Variants in HARS2 observed in about 807,000 individuals in gnomAD.
HARS2 encodes the protein histidine--tRNA ligase, mitochondrial.
HARS2 carries 40 observed loss-of-function variants against 62.4 expected under a neutral mutation model. That is an observed-to-expected ratio of 0.64 (90% CI 0.50 to 0.83). The LOEUF is 0.83. Among genes scored for constraint, HARS2 ranks in the 40% least tolerant of loss-of-function variants. The pLI is 0.00. For missense variants in HARS2, 569 were observed against 626.4 expected (o/e 0.91, Z 0.98); for synonymous variants, 228 against 227.0 (o/e 1.00, Z -0.04).
intron 1 of HARS2, among the ~76,000 whole-genome samples, chr5:140,692,736 T>C (rs1437972339): frequency 6.6e-6 from 1 of 151,808 alleles, no homozygotes; most frequent in African/African-American, 2.4e-5. Flanking sequence ...CTACTAAAAA[T>C]ACAAAAATTA....
chr5:140,691,740 T>A lies in HARS2; in HGVS notation c.92T>A (p.Val31Asp), dbSNP rs2149847950. 6.4e-7 allele frequency: 1 copy of A among 1,551,382 alleles called. No homozygotes were observed. The highest frequency in any genetic ancestry group is 1.2e-5 in the South Asian group (1 of 84,204). Residue 31 changes from valine to aspartate, a missense_variant, in exon 1 of 13, where the codon GTC becomes GAC. Transcript: ENST00000230771. ...CCCTGCGCTTCGTGCACCGGGGCGG[T>A]CCGTTGCCAAAGCCAGGTGAGCGAG... ...RPPCASCTGA[V>D]RCQSQVAEAV...
rs898065296 is a variant in HARS2, at chr5:140,691,465, G to A, written c.-184G>A. On this transcript the variant is annotated 5_prime_UTR_variant, in exon 1 of 13. Transcript: ENST00000230771. ...GCTCCTCCCGGAAGTGCCGAAGCTG[G>A]CTACTAAGGGAACTTGGGAGGATCC... is the stretch of plus-strand genomic sequence containing the variant. 8.5e-6 allele frequency: 6 copies of A among 707,622 alleles called. No individual in the cohort carries two copies. Among genetic ancestry groups the A allele is most frequent in the Non-Finnish European group, 1.4e-5 (6 of 418,416 alleles). The allele number at this position is 707,622 out of a possible 1,614,324, so 43.8% of individuals were successfully genotyped here.
At position 140,698,789 on chromosome 5, in the gene HARS2, G is replaced by A; in HGVS notation, c.*237G>A. 1.7e-6 allele frequency: 1 copy of A among 572,224 alleles called. No homozygotes were observed. The allele number at this position is 572,224 out of a possible 1,614,324, so 35.4% of individuals were successfully genotyped here. A position where few individuals can be genotyped will look rare whatever the true frequency, so the allele number is the denominator to read the frequency against. On this transcript the variant is annotated 3_prime_UTR_variant, in exon 13 of 13. Coordinates refer to ENST00000230771, the MANE Select transcript of HARS2 (RefSeq NM_012208.4). The stretch of plus-strand genomic sequence containing the variant: ...CTGGATGTGAAAGAGACATGCTCTA[G>A]CTGCAGAGGCAAATTTGAAGTGCCA...
intron 4 of HARS2, among the ~76,000 whole-genome samples, chr5:140,695,233 C>T (rs1453203292): frequency 2.0e-5 from 3 of 152,194 alleles, no homozygotes; most frequent in East Asian, 1.9e-4. Flanking sequence ...TCTGAATGGG[C>T]AGAAAGACCT....
intron 12 of HARS2, 64 bp downstream of exon 12, chr5:140,698,142 A>G (rs1759833071): frequency 6.9e-7 from 1 of 1,440,568 alleles, no homozygotes. Context: ...TTCTGTAAGA[A>G]ATATGCATCT....
chr5:140,691,736 G>T lies in HARS2; in HGVS notation c.88G>T (p.Ala30Ser). Residue 30 changes from alanine (A) to serine (S), a missense_variant, in exon 1 of 13, where the codon GCG becomes TCG. Physicochemically the swap from Ala to Ser is moderately conservative, Grantham distance 99. Coordinates refer to ENST00000230771, the MANE Select transcript of HARS2 (RefSeq NM_012208.4). ...ACCGCCCTGCGCTTCGTGCACCGGG[G>T]CGGTCCGTTGCCAAAGCCAGGTGAG... ...LRPPCASCTG[A>S]VRCQSQVAEA... 2 of 1,551,666 alleles carry T rather than the reference G, an allele frequency of 1.3e-6. No homozygotes were observed. The highest frequency in any genetic ancestry group is 1.7e-6 in the Non-Finnish European group (2 of 1,147,076).
In HARS2 at chr5:140,697,551, T is replaced by C. The variant is rs1297316747; in HGVS notation, c.1198-18T>C. On this transcript the variant is annotated intron_variant, in intron 10 of 12. Coordinates refer to ENST00000230771, the MANE Select transcript of HARS2 (RefSeq NM_012208.4). ...GAAAGGAGGTTTTTATTAGTTTTACTTTCTTCTCTCTTATTAGACCAAAGG... is the reference window on the plus strand; with the variant it reads ...GAAAGGAGGTTTTTATTAGTTTTACCTTCTTCTCTCTTATTAGACCAAAGG... 6.2e-7 allele frequency: 1 copy of C among 1,606,116 alleles called. No individual in the cohort carries two copies. The highest frequency in any genetic ancestry group is 8.5e-7 in the Non-Finnish European group (1 of 1,172,650).
intron 1 of HARS2, 109 bp from the exon 2 acceptor site, chr5:140,693,482 G>T: frequency 6.3e-7 from 1 of 1,596,660 alleles, no homozygotes; most frequent in Non-Finnish European, 8.5e-7. Flanking sequence ...TTGGCTTCCT[G>T]TTGCTCAGGG....
chr5:140,697,529 A>G (rs1436037161), intron 10 of HARS2, 40 bp from the exon 11 acceptor site: 1 of 1,599,470 alleles, frequency 6.3e-7, no homozygotes. Context: ...GCTGGTGGAA[A>G]GGAGGTTTTT....
chr5:140,698,437 C>A, intron 12 of HARS2, 56 bp from the exon 13 acceptor site: 1 of 1,252,314 alleles, frequency 8.0e-7, no homozygotes, highest in South Asian at 1.2e-5. Context: ...AAAACAGTGG[C>A]TAAGGAGTTA....
In HARS2 at chr5:140,695,478, T is replaced by C. The variant is rs536351699; in HGVS notation, c.400-30T>C. On this transcript the variant is annotated intron_variant, in intron 4 of 12. Coordinates refer to ENST00000230771, the MANE Select transcript of HARS2 (RefSeq NM_012208.4). ...TACTGGGCCTAATCTTTGGATGCAG[T>C]ATCCCTCTTCCTTAACCCATTTATG... 2.5e-6 allele frequency: 4 copies of C among 1,613,526 alleles called. No individual in the cohort carries two copies. In the South Asian group the frequency reaches 4.4e-5, roughly 18 times the overall value.
chr5:140,696,570 C>G lies in HARS2; in HGVS notation c.782C>G (p.Ala261Gly), dbSNP rs1299575031. 19 of 1,613,672 alleles carry G rather than the reference C, an allele frequency of 1.2e-5. No homozygotes were observed. Among genetic ancestry groups the G allele is most frequent in the Non-Finnish European group, 1.5e-5 (18 of 1,179,702 alleles). Residue 261 changes from alanine (A) to glycine (G), a missense_variant, in exon 8 of 13, where the codon GCT (alanine) becomes GGT (glycine). Ala to Gly is a moderately conservative substitution (Grantham distance 60). Coordinates refer to ENST00000230771, the MANE Select transcript of HARS2 (RefSeq NM_012208.4). ...RHEMVVKKGLAPEVADRIGDY... is the reference protein window; with the variant it reads ...RHEMVVKKGLGPEVADRIGDY... The stretch of plus-strand genomic sequence containing the variant: ...GAGATGGTGGTGAAGAAAGGCCTGG[C>G]TCCTGAGGTGGCTGATCGAATTGGG...
Position 140,697,638 on chromosome 5 carries a change from C to A in HARS2, c.1267C>A (p.Gln423Lys), listed in dbSNP as rs772217829. The change falls in exon 11 of 13, where the codon CAA (glutamine) becomes AAA (lysine). Residue 423 changes from glutamine to lysine, a missense_variant. Gln to Lys is a moderately conservative substitution (Grantham distance 53). Coordinates refer to ENST00000230771, the MANE Select transcript of HARS2 (RefSeq NM_012208.4). Reference protein sequence around the residue: ...FVATPQKNFLQERLKLIAELW... With the variant: ...FVATPQKNFLKERLKLIAELW... Reference sequence around the variant, plus strand: ...GGCCACACCACAGAAGAACTTTCTCCAAGAACGGTTGAAGCTTATTGCAGA... The same window carrying A: ...GGCCACACCACAGAAGAACTTTCTCAAAGAACGGTTGAAGCTTATTGCAGA... 1 of 1,613,910 alleles carries A rather than the reference C, an allele frequency of 6.2e-7. No homozygotes were observed. The highest frequency in any genetic ancestry group is 1.1e-5 in the South Asian group (1 of 91,086).
Position 140,697,943 on chromosome 5 carries a change from A to G in HARS2, c.1326A>G (p.Leu442=), listed in dbSNP as rs1759822356. The part of the protein sequence containing the change: ...LWDSGIKAEM[L]YKNNPKLLTQ... ...TTGATCCTTTTCAGGCAGAGATGCTATACAAGAACAACCCCAAACTATTAA... is the reference window on the plus strand; with the variant it reads ...TTGATCCTTTTCAGGCAGAGATGCTGTACAAGAACAACCCCAAACTATTAA... Residue 442 remains leucine, a synonymous_variant, in exon 12 of 13, where the codon CTA becomes CTG. Coordinates refer to ENST00000230771, the MANE Select transcript of HARS2 (RefSeq NM_012208.4). The G allele has an allele frequency of 1.2e-6, 2 of 1,613,952 alleles. No individual in the cohort carries two copies. Among genetic ancestry groups the G allele is most frequent in the Non-Finnish European group, 1.7e-6 (2 of 1,179,812 alleles).
At chr5:140,691,867 C>T (rs149259830) in intron 1 of HARS2, 111 bp downstream of exon 1, 3 of 764,816 alleles carry the variant, frequency 3.9e-6, no homozygotes, top group South Asian at 1.5e-5. Context: ...TATCGAGTGC[C>T]CACTATGTAC....
At chr5:140,693,804 C>T in intron 2 of HARS2, 131 bp from the exon 3 acceptor site, 1 of 1,244,462 alleles carries the variant, frequency 8.0e-7, no homozygotes, top group Non-Finnish European at 1.2e-6. Context: ...CTAGGTGCGG[C>T]TCAGAGTCAT....
chr5:140,698,481 C>G lies in HARS2; in HGVS notation c.1462-12C>G, dbSNP rs780893902. The stretch of plus-strand genomic sequence containing the variant: ...TTCTAGTTTATCACATGAGGATTCT[C>G]TTATGTTTCAGGTGGCCATTAAACG... On this transcript the variant is annotated splice_polypyrimidine_tract_variant and intron_variant, in intron 12 of 12. Coordinates refer to ENST00000230771, the MANE Select transcript of HARS2 (RefSeq NM_012208.4). 11 of 1,593,764 alleles carry G rather than the reference C, an allele frequency of 6.9e-6. No individual in the cohort carries two copies. Among genetic ancestry groups the G allele is most frequent in the African/African-American group, 4.0e-5 (3 of 74,452 alleles).
In HARS2 at chr5:140,694,177, C is replaced by T. The variant is rs763874405; in HGVS notation, c.304-8C>T. ...TCAACTGTGGCTCATTCTGTTTGAC[C>T]CCTATAGGAAACCCTGACTGAGAAG... On this transcript the variant is annotated splice_polypyrimidine_tract_variant and splice_region_variant and intron_variant, in intron 3 of 12. Transcript: ENST00000230771. 9 of 1,608,776 alleles carry T rather than the reference C, an allele frequency of 5.6e-6. No homozygotes were observed. In the African/African-American group the frequency reaches 6.7e-5, roughly 12 times the overall value.
chr5:140,697,133 T>A (rs374874330), intron 9 of HARS2, 31 bp from the exon 10 acceptor site: 147 of 1,614,036 alleles, frequency 9.1e-5, no homozygotes, highest in Non-Finnish European at 1.2e-4. Context: ...CCGAGTCTAG[T>A]TTGGGACTGA....
Sources: gnomAD v4.1 joint callset for allele counts (sites outside exome capture counted in the v4.1 genomes callset) on GRCh38, gnomAD v4.1.1 for gene constraint, MANE v1.5 for transcripts, NCBI Gene and HGNC (gene_info 2026-07-23, HGNC 2026-07-21) for gene names.